Variants in L3MBTL3 observed in about 807,000 individuals in gnomAD.
The protein encoded by L3MBTL3 is lethal(3)malignant brain tumor-like protein 3.
L3MBTL3 carries 27 observed loss-of-function variants against 102.3 expected under a neutral mutation model. That is an observed-to-expected ratio of 0.26 (90% confidence interval 0.19 to 0.36). The LOEUF is 0.36. Among genes scored for constraint, L3MBTL3 ranks in the 10% least tolerant of loss-of-function variants. The pLI, the probability that L3MBTL3 is intolerant of heterozygous loss-of-function variation, is 1.00. For synonymous variants in L3MBTL3, 340 were observed against 320.9 expected (o/e 1.06, Z -0.64); for missense variants, 798 against 955.3 (o/e 0.84, Z 2.17).
At chr6:130,136,621 T>C (rs1787698585) in intron 22 of L3MBTL3, among the ~76,000 whole-genome samples, 1 of 102,630 alleles carries the variant, frequency 9.7e-6, no homozygotes, top group African/African-American at 3.2e-5. Context: ...ATAGCACAAA[T>C]CACCTTTTTT....
chr6:130,028,643 C>T (rs986557288), intron 2 of L3MBTL3, among the ~76,000 whole-genome samples: 1 of 152,140 alleles, frequency 6.6e-6, no homozygotes, highest in Non-Finnish European at 1.5e-5. Context: ...ACTTATCAGG[C>T]AGGATGAGTA....
intron 11 of L3MBTL3, among the ~76,000 whole-genome samples, chr6:130,067,902 C>T (rs959432905): frequency 2.0e-5 from 3 of 152,060 alleles, no homozygotes; most frequent in African/African-American, 7.2e-5. Flanking sequence ...AAAGATTTTA[C>T]CTGTTTCATT....
rs1234001106 is a variant in L3MBTL3 at position 130,057,421 on chromosome 6, G to A, written c.683G>A (p.Gly228Glu). Residue 228 changes from glycine (G) to glutamate (E), a missense_variant, in exon 9 of 23, where the codon GGA (glycine) becomes GAA (glutamate). Physicochemically the swap from Gly to Glu is moderately conservative, Grantham distance 98. Around this residue, in one of 4 missense-constraint regions of L3MBTL3, gnomAD observed 434 missense variants for 506.6 expected, o/e 0.86. Transcript: ENST00000361794. Reference protein sequence around the residue: ...AVLKQGLPPKGKKAWCWASYL... With the variant: ...AVLKQGLPPKEKKAWCWASYL... ...TGCCTTTCAGGTTTGCCTCCTAAAG[G>A]AAAGAAAGCGTGGTGCTGGGCATCC... 1 of 1,609,226 alleles carries A rather than the reference G, an allele frequency of 6.2e-7. No individual in the cohort carries two copies. Among genetic ancestry groups the A allele is most frequent in the East Asian group, 2.2e-5 (1 of 44,816 alleles).
rs561350013 is a variant in L3MBTL3, at chr6:130,040,979, G to A, written c.-15-1706G>A. 7.9e-5 allele frequency among the ~76,000 whole-genome samples: 12 copies of A among 152,316 alleles called. No individual in the cohort carries two copies. The South Asian group carries it at 2.3e-3, about 29-fold the overall frequency. On this transcript the variant is annotated intron_variant, in intron 2 of 22. Transcript: ENST00000361794. The stretch of plus-strand genomic sequence containing the variant: ...CTACTACAGTTGTTGCCACTGCACC[G>A]GCAATTTTATCCTCTCTTGGTTTTG...
rs545921021 is a variant in L3MBTL3 at position 130,052,678 on chromosome 6, A to G, written c.450-181A>G. 1.2e-3 allele frequency among the ~76,000 whole-genome samples: 177 copies of G among 152,308 alleles called. No homozygotes were observed. The Middle Eastern group carries it at 0.017, about 15-fold the overall frequency. ...GCCCTGACAGACAGATGTCATATGT[A>G]ATAGTTGTTTTCAGTGTTCCTGATA... On this transcript the variant is annotated intron_variant, in intron 6 of 22. Transcript: ENST00000361794.
intron 20 of L3MBTL3, among the ~76,000 whole-genome samples, chr6:130,125,805 CA>C (rs1442630401): frequency 6.6e-6 from 1 of 152,096 alleles, no homozygotes; most frequent in Non-Finnish European, 1.5e-5. Flanking sequence ...CTTGAGAAAC[CA>C]CCCTAAGTTG....
At chr6:130,126,076 G>T (rs1489564087) in intron 20 of L3MBTL3, among the ~76,000 whole-genome samples, 1 of 149,640 alleles carries the variant, frequency 6.7e-6, no homozygotes, top group Non-Finnish European at 1.5e-5. Context: ...TCCCTCCCTC[G>T]CTCCCTCCCT....
rs759586015 is a variant in L3MBTL3 at position 130,049,812 on chromosome 6, C to T, written c.271C>T (p.Pro91Ser). The change falls in exon 5 of 23, where the codon CCA becomes TCA. Residue 91 changes from proline to serine, a missense_variant. Transcript: ENST00000361794. Reference protein sequence around the residue: ...PVFPPAYWTSPPGCPTVFSEK... With the variant: ...PVFPPAYWTSSPGCPTVFSEK... ...ATTTCCACCTGCCTACTGGACATCT[C>T]CACCTGGATGTCCCACAGGTACCTC... 1.9e-6 allele frequency: 3 copies of T among 1,613,110 alleles called. No individual in the cohort carries two copies. The highest frequency in any genetic ancestry group is 1.7e-5 in the Admixed American group (1 of 59,822).
chr6:130,083,654 A>T lies in L3MBTL3; in HGVS notation c.1356A>T (p.Lys452Asn). Reference protein sequence around the residue: ...YPNVKHFSWDKYLEETNSLPA... With the variant: ...YPNVKHFSWDNYLEETNSLPA... ...ATGTGAAACATTTTTCTTGGGATAAATACTTAGAAGAAACCAATTCTTTAC... is the reference window on the plus strand; with the variant it reads ...ATGTGAAACATTTTTCTTGGGATAATTACTTAGAAGAAACCAATTCTTTAC... The change falls in exon 15 of 23, where the codon AAA becomes AAT. Residue 452 changes from lysine to asparagine, a missense_variant. Coordinates refer to ENST00000361794, the MANE Select transcript of L3MBTL3 (RefSeq NM_032438.4). 1 of 1,546,256 alleles carries T rather than the reference A, an allele frequency of 6.5e-7. No individual in the cohort carries two copies. Among genetic ancestry groups the T allele is most frequent in the Non-Finnish European group, 8.7e-7 (1 of 1,146,470 alleles).
intron 5 of L3MBTL3, 132 bp downstream of exon 5, chr6:130,049,962 GA>G: frequency 8.8e-7 from 1 of 1,132,786 alleles, no homozygotes; most frequent in Non-Finnish European, 1.2e-6. Flanking sequence ...GGACAAGCAA[GA>G]AACACAGGAG....
intron 19 of L3MBTL3, among the ~76,000 whole-genome samples, chr6:130,117,128 C>G (rs1439777220): frequency 9.9e-6 from 1 of 101,092 alleles, no homozygotes; most frequent in Non-Finnish European, 1.9e-5. Context: ...CCCCCTCCCC[C>G]CACCCCACCA....
chr6:130,057,610 C>T, intron 9 of L3MBTL3, 113 bp downstream of exon 9: 2 of 862,118 alleles, frequency 2.3e-6, no homozygotes, highest in South Asian at 1.6e-5. Context: ...TCTCAGCATA[C>T]AGTTTTCATG....
intron 20 of L3MBTL3, among the ~76,000 whole-genome samples, chr6:130,124,425 A>T (rs1167284928): frequency 6.6e-6 from 1 of 152,174 alleles, no homozygotes; most frequent in Non-Finnish European, 1.5e-5. Context: ...CCTTTATGTG[A>T]GATTAGGCCA....
At chr6:130,072,150 T>C (rs1171031905) in intron 13 of L3MBTL3, among the ~76,000 whole-genome samples, 3 of 151,576 alleles carry the variant, frequency 2.0e-5, no homozygotes, top group East Asian at 3.9e-4. Flanking sequence ...AAAAGAAAAA[T>C]AGCAATACAA....
chr6:130,061,244 C>G (rs1781885495), intron 10 of L3MBTL3, among the ~76,000 whole-genome samples: 1 of 152,084 alleles, frequency 6.6e-6, no homozygotes, highest in South Asian at 2.1e-4. Context: ...GCCACCTTGC[C>G]TGGCTAGTTT....
chr6:130,042,712 G>C lies in L3MBTL3; in HGVS notation c.13G>C (p.Ala5Pro), dbSNP rs879151401. 1 of 1,611,174 alleles carries C rather than the reference G, an allele frequency of 6.2e-7. No homozygotes were observed. The highest frequency in any genetic ancestry group is 2.2e-5 in the East Asian group (1 of 44,826). ...TAAAAAATAAATCATGACTGAATCTGCCTCTAGCACAAGTGGTCAAGAGTT... is the reference window on the plus strand; with the variant it reads ...TAAAAAATAAATCATGACTGAATCTCCCTCTAGCACAAGTGGTCAAGAGTT... MTES[A>P]SSTSGQEFDV... Residue 5 changes from alanine (A) to proline (P), a missense_variant, in exon 3 of 23, where the codon GCC (alanine) becomes CCC (proline). Physicochemically the swap from Ala to Pro is conservative, Grantham distance 27. Coordinates refer to ENST00000361794, the MANE Select transcript of L3MBTL3 (RefSeq NM_032438.4).
Position 130,055,059 on chromosome 6 carries a change from A to G in L3MBTL3, c.583-112A>G. 3 of 784,126 alleles carry G rather than the reference A, an allele frequency of 3.8e-6. 1 individual carries two copies. In the South Asian group the frequency reaches 4.5e-5, roughly 12 times the overall value. The allele number at this position is 784,126 out of a possible 1,614,324, so 48.6% of individuals were successfully genotyped here. A position where few individuals can be genotyped will look rare whatever the true frequency, so the allele number is the denominator to read the frequency against. ...TTCTTACTTTCCTTAAAAGTTACAA[A>G]GTAAAACTGAAGAAAAGAACAACAG... is the stretch of plus-strand genomic sequence containing the variant. On this transcript the variant is annotated intron_variant, in intron 7 of 22. Coordinates refer to ENST00000361794, the MANE Select transcript of L3MBTL3 (RefSeq NM_032438.4).
At position 130,141,430 on chromosome 6, in the gene L3MBTL3, T is replaced by C. The variant is rs1391384954; in HGVS notation, c.*1677T>C. On this transcript the variant is annotated 3_prime_UTR_variant, in exon 23 of 23. Coordinates refer to ENST00000361794, the MANE Select transcript of L3MBTL3 (RefSeq NM_032438.4). Reference sequence around the variant, plus strand: ...TATCTGACATGAATGAAATAAAATCTTAATTACAGATGCTTTTTACATATG... The same window carrying C: ...TATCTGACATGAATGAAATAAAATCCTAATTACAGATGCTTTTTACATATG... 6.6e-6 allele frequency: 1 copy of C among 152,258 alleles called. No individual in the cohort carries two copies. The highest frequency in any genetic ancestry group is 2.1e-4 in the South Asian group (1 of 4,838). 9.4% of individuals were successfully genotyped at this position (152,258 alleles called of 1,614,324 possible).
chr6:130,062,239 C>T (rs920086565), intron 10 of L3MBTL3, among the ~76,000 whole-genome samples: 2 of 152,108 alleles, frequency 1.3e-5, no homozygotes, highest in Non-Finnish European at 1.5e-5. Flanking sequence ...TGTTTCAGAT[C>T]CCCCTTCCTT....
Sources: allele counts gnomAD v4.1 joint callset (sites outside exome capture counted in the v4.1 genomes callset), GRCh38; gene constraint gnomAD v4.1.1; regional missense constraint gnomAD v4.1.1; transcripts MANE v1.5; gene names NCBI Gene and HGNC (gene_info 2026-07-23, HGNC 2026-07-21).